The following ST6GALNAC5 variants were observed in gnomAD, a reference collection of about 807,000 sequenced individuals.
ST6GALNAC5 encodes ST6 N-acetylgalactosaminide alpha-2,6-sialyltransferase 5.
A neutral mutation model predicts 33.6 loss-of-function variants in ST6GALNAC5; 27 were observed. That is an observed-to-expected ratio of 0.80 (90% CI 0.59 to 1.11). The LOEUF is 1.11. ST6GALNAC5 is among the 50% of genes least tolerant of loss of function. The pLI is 0.00. For synonymous variants in ST6GALNAC5, 194 were observed against 171.2 expected (o/e 1.13, Z -1.04); for missense variants, 428 against 454.0 (o/e 0.94, Z 0.52).
At chr1:76,964,520 C>T (rs1648377663) in intron 2 of ST6GALNAC5, among the ~76,000 whole-genome samples, 1 of 152,060 alleles carries the variant, frequency 6.6e-6, no homozygotes, top group South Asian at 2.1e-4. Flanking sequence ...TAATTGCTTG[C>T]TTGATATTTT....
At chr1:76,923,868 CAGAAACTATAAACT>C (rs1446263454) in intron 2 of ST6GALNAC5, among the ~76,000 whole-genome samples, 1 of 152,090 alleles carries the variant, frequency 6.6e-6, no homozygotes, top group Non-Finnish European at 1.5e-5. Context: ...CTGATATTCA[CAGAAACTATAAACT>C]ATCAGCTCCA....
At chr1:77,015,725 G>A (rs1650806510) in intron 2 of ST6GALNAC5, among the ~76,000 whole-genome samples, 1 of 151,962 alleles carries the variant, frequency 6.6e-6, no homozygotes, top group Non-Finnish European at 1.5e-5. Flanking sequence ...TCTGTGCTGA[G>A]GAAATGACAT....
intron 2 of ST6GALNAC5, among the ~76,000 whole-genome samples, chr1:77,029,556 T>C (rs1318021475): frequency 6.6e-6 from 1 of 152,144 alleles, no homozygotes; most frequent in East Asian, 1.9e-4. Flanking sequence ...GGCACAGGGC[T>C]CTCCCTAGAG....
intron 2 of ST6GALNAC5, among the ~76,000 whole-genome samples, chr1:76,910,018 C>T (rs758154835): frequency 1.3e-5 from 2 of 152,016 alleles, no homozygotes; most frequent in Non-Finnish European, 2.9e-5. Context: ...TTAACATTCA[C>T]ATTCTAGGAC....
At chr1:76,984,545 T>C (rs907582838) in intron 2 of ST6GALNAC5, among the ~76,000 whole-genome samples, 2 of 152,048 alleles carry the variant, frequency 1.3e-5, no homozygotes, top group Admixed American at 6.6e-5. Flanking sequence ...AGAAAAAAAT[T>C]CCAGGACCAG....
chr1:76,963,333 A>G (rs1159196314), intron 2 of ST6GALNAC5, among the ~76,000 whole-genome samples: 1 of 152,242 alleles, frequency 6.6e-6, no homozygotes, highest in Non-Finnish European at 1.5e-5. Context: ...TCTGGCTAAT[A>G]GGATTGCTGT....
chr1:77,049,636 G>A (rs1316238990), intron 3 of ST6GALNAC5, among the ~76,000 whole-genome samples: 1 of 152,172 alleles, frequency 6.6e-6, no homozygotes, highest in African/African-American at 2.4e-5. Context: ...GTAAAATGAA[G>A]CAAATGTTCA....
At chr1:77,049,297 G>A (rs1045037556) in intron 3 of ST6GALNAC5, among the ~76,000 whole-genome samples, 5 of 152,112 alleles carry the variant, frequency 3.3e-5, no homozygotes, top group African/African-American at 1.2e-4. Context: ...TGATGCTATG[G>A]CTGGGCAAAG....
At chr1:77,044,730 C>A in intron 3 of ST6GALNAC5, 117 bp downstream of exon 3, 1 of 1,286,624 alleles carries the variant, frequency 7.8e-7, no homozygotes, top group Non-Finnish European at 1.1e-6. Flanking sequence ...CTGCTCATGT[C>A]ATTGCTAGAG....
In ST6GALNAC5 at chr1:76,868,596, C is replaced by A. The variant is rs1450489334; in HGVS notation, c.115C>A (p.Gln39Lys). 1 of 1,606,606 alleles carries A rather than the reference C, an allele frequency of 6.2e-7. No individual in the cohort carries two copies. The part of the protein sequence containing the change: ...LGGQKERPPQ[Q>K]QQQQQQQQQQ... The stretch of plus-strand genomic sequence containing the variant: ...CGGCCAGAAGGAGCGGCCCCCGCAG[C>A]AGCAGCAGCAGCAGCAGCAACAGCA... The change falls in exon 2 of 5, where the codon CAG (glutamine) becomes AAG (lysine). Residue 39 changes from glutamine (Q) to lysine (K), a missense_variant. Physicochemically the swap from Gln to Lys is moderately conservative, Grantham distance 53 (BLOSUM62 1). Coordinates refer to ENST00000477717, the MANE Select transcript of ST6GALNAC5 (RefSeq NM_030965.3). The surrounding 1 kb of genome is among the most constrained non-coding windows in gnomAD (Gnocchi z 4.3).
At chr1:76,932,521 G>A (rs914047258) in intron 2 of ST6GALNAC5, among the ~76,000 whole-genome samples, 5 of 152,030 alleles carry the variant, frequency 3.3e-5, no homozygotes, top group African/African-American at 1.2e-4. Flanking sequence ...TAGAGGGAAA[G>A]CTCACTAAAC....
chr1:76,868,880 A>C lies in ST6GALNAC5; in HGVS notation c.261+138A>C. 1 of 1,332,668 alleles carries C rather than the reference A, an allele frequency of 7.5e-7. No individual in the cohort carries two copies. Among genetic ancestry groups the C allele is most frequent in the East Asian group, 2.7e-5 (1 of 36,470 alleles). 82.6% of individuals were successfully genotyped at this position (1,332,668 alleles called of 1,614,324 possible). On this transcript the variant is annotated intron_variant, in intron 2 of 4. Coordinates refer to ENST00000477717, the MANE Select transcript of ST6GALNAC5 (RefSeq NM_030965.3). The surrounding 1 kb of genome is among the most constrained non-coding windows in gnomAD (Gnocchi z 4.3). The stretch of plus-strand genomic sequence containing the variant: ...TGGAGGGGAGTGGACCCGCTGGGGT[A>C]GGGTGGGCTAGTTCCAACTTGGTAT...
At chr1:76,881,665 C>T (rs1171166526) in intron 2 of ST6GALNAC5, among the ~76,000 whole-genome samples, 1 of 152,096 alleles carries the variant, frequency 6.6e-6, no homozygotes, top group Non-Finnish European at 1.5e-5. Context: ...ATGAGAATAT[C>T]TACATAAAGA....
chr1:77,031,732 T>C (rs1260598700), intron 2 of ST6GALNAC5, among the ~76,000 whole-genome samples: 1 of 152,194 alleles, frequency 6.6e-6, no homozygotes, highest in Non-Finnish European at 1.5e-5. Context: ...TCTGGAATGG[T>C]TCTCACACAT....
chr1:77,040,009 G>A (rs1373447664), intron 2 of ST6GALNAC5, among the ~76,000 whole-genome samples: 2 of 152,238 alleles, frequency 1.3e-5, no homozygotes, highest in Middle Eastern at 3.2e-3. Flanking sequence ...ACCAAGGCAT[G>A]AATATTTCCA....
chr1:76,869,728 G>A (rs1463602261), intron 2 of ST6GALNAC5, among the ~76,000 whole-genome samples: 1 of 152,146 alleles, frequency 6.6e-6, no homozygotes, highest in African/African-American at 2.4e-5. Context: ...TTTAAAAAGT[G>A]GCATTCAAAA....
chr1:76,963,882 T>A (rs1012542998), intron 2 of ST6GALNAC5, among the ~76,000 whole-genome samples: 6 of 152,134 alleles, frequency 3.9e-5, no homozygotes, highest in African/African-American at 1.4e-4. Context: ...AACCTAATCA[T>A]ATGAATCCAT....
intron 2 of ST6GALNAC5, among the ~76,000 whole-genome samples, chr1:76,889,028 T>C (rs192039306): frequency 3.3e-5 from 5 of 152,204 alleles, no homozygotes; most frequent in East Asian, 1.9e-4. Flanking sequence ...TCCTGTCTAA[T>C]TGAAATTTTG....
chr1:76,911,620 A>G (rs889294120), intron 2 of ST6GALNAC5, among the ~76,000 whole-genome samples: 1 of 151,928 alleles, frequency 6.6e-6, no homozygotes, highest in African/African-American at 2.4e-5. Context: ...ACAATTTCAG[A>G]TCCTGTTATT....
Sources: gnomAD v4.1 joint callset for allele counts (sites outside exome capture counted in the v4.1 genomes callset) on GRCh38, gnomAD v4.1.1 for gene constraint, Gnocchi (gnomAD v3.1) non-coding constraint, MANE v1.5 for transcripts, NCBI Gene and HGNC (gene_info 2026-07-23, HGNC 2026-07-21) for gene names.